The following TMEM272 variants were observed in gnomAD, a reference collection of about 807,000 sequenced individuals.
The protein encoded by TMEM272 is transmembrane protein 272.
A neutral mutation model predicts 3.7 loss-of-function variants in TMEM272; 8 were observed. The observed-to-expected ratio is 2.17, with a 90% confidence interval of 1.27 to 3.91. The LOEUF is 3.91. TMEM272 is among the 30% of genes most tolerant of loss of function. TMEM272 has a pLI of 0.00. For synonymous variants in TMEM272, 63 were observed against 39.8 expected, an observed-to-expected ratio of 1.58 and a Z score of -2.20; for missense variants, 166 against 91.5, an observed-to-expected ratio of 1.81 and a Z score of -3.32.
chr13:51,913,695 G>A, the TMEM272 span, among the ~76,000 whole-genome samples: 1 of 152,200 alleles, frequency 6.6e-6, no homozygotes, highest in South Asian at 2.1e-4. Flanking sequence ...GAAGTCTCCA[G>A]AGGATTGGGC....
intron 1 of TMEM272, 50 bp from the exon 2 acceptor site, chr13:51,838,603 A>C: frequency 2.8e-6 from 2 of 702,984 alleles, no homozygotes; most frequent in Non-Finnish European, 5.2e-6. Flanking sequence ...GGATTTACTC[A>C]GCACCAATAA....
chr13:51,824,336 A>C (rs1392868914), intron 3 of TMEM272, among the ~76,000 whole-genome samples: 1 of 152,228 alleles, frequency 6.6e-6, no homozygotes, highest in African/African-American at 2.4e-5. Context: ...TACCAAATGT[A>C]GTGATTTTTA....
the TMEM272 span, among the ~76,000 whole-genome samples, chr13:51,879,805 T>A: frequency 6.6e-6 from 1 of 152,318 alleles, no homozygotes; most frequent in African/African-American, 2.4e-5. Context: ...TTCAACAGAA[T>A]GTGGCAGGTG....
chr13:51,930,626 T>A, the TMEM272 span: 2 of 151,310 alleles, frequency 1.3e-5, no homozygotes, highest in Admixed American at 6.6e-5. Flanking sequence ...TGCACATACG[T>A]TCCTTGTTTT....
At chr13:51,921,701 C>G in the TMEM272 span, 1 of 152,382 alleles carries the variant, frequency 6.6e-6, no homozygotes, top group Non-Finnish European at 1.5e-5. Flanking sequence ...GACATTAACG[C>G]AGCATAAGGG....
the TMEM272 span, among the ~76,000 whole-genome samples, chr13:51,920,643 C>G: frequency 9.2e-5 from 14 of 152,214 alleles, no homozygotes; most frequent in Admixed American, 9.2e-4. Context: ...AGGGCAGTAT[C>G]TTCCCATGGC....
chr13:51,874,011 C>T, the TMEM272 span, among the ~76,000 whole-genome samples: 1 of 152,228 alleles, frequency 6.6e-6, no homozygotes, highest in East Asian at 1.9e-4. Context: ...CCAGGCTCCA[C>T]CAATCACAGG....
chr13:51,885,094 C>A, the TMEM272 span, among the ~76,000 whole-genome samples: 28 of 152,278 alleles, frequency 1.8e-4, no homozygotes, highest in Admixed American at 1.2e-3. Flanking sequence ...GAAGTGAGCA[C>A]CTGACCCATT....
At chr13:51,923,705 CAA>C in the TMEM272 span, among the ~76,000 whole-genome samples, 1 of 127,742 alleles carries the variant, frequency 7.8e-6, no homozygotes, top group South Asian at 2.3e-4. Context: ...AAAGAAGAAA[CAA>C]GAGGGGAGGG....
intron 1 of TMEM272, among the ~76,000 whole-genome samples, chr13:51,843,495 T>G (rs924174040): frequency 6.6e-6 from 1 of 152,206 alleles, no homozygotes; most frequent in Non-Finnish European, 1.5e-5. Context: ...AATGATGGAT[T>G]CATGTCAATG....
chr13:51,839,927 G>C (rs1956247496), intron 1 of TMEM272, among the ~76,000 whole-genome samples: 1 of 152,148 alleles, frequency 6.6e-6, no homozygotes, highest in South Asian at 2.1e-4. Context: ...TCAAAACTTG[G>C]CTTTATGTCA....
the TMEM272 span, among the ~76,000 whole-genome samples, chr13:51,924,415 T>C: frequency 3.9e-5 from 6 of 152,020 alleles, no homozygotes; most frequent in African/African-American, 1.2e-4. Flanking sequence ...AAAAACCTCT[T>C]TTCCTCTTTC....
the TMEM272 span, among the ~76,000 whole-genome samples, chr13:51,898,092 G>A: frequency 1.3e-5 from 2 of 151,850 alleles, no homozygotes; most frequent in African/African-American, 2.4e-5. Flanking sequence ...GCTTGGTGGC[G>A]TGCACCTGTA....
In TMEM272 at chr13:51,822,127, A is replaced by C. The variant is rs1956085116; in HGVS notation, c.129T>G (p.Phe43Leu). 1.4e-6 allele frequency: 1 copy of C among 698,632 alleles called. No homozygotes were observed. The highest frequency in any genetic ancestry group is 1.5e-5 in the South Asian group (1 of 66,962). The allele number at this position is 698,632 out of a possible 1,614,324, so 43.3% of individuals were successfully genotyped here. Residue 43 changes from phenylalanine to leucine, a missense_variant, in exon 4 of 5, where the codon TTT becomes TTG. Phe to Leu is a conservative substitution (Grantham distance 22). Transcript: ENST00000629372. ...PLSMTFIGMK[F>L]LEDCPIQPLI... ...GGGGCTGTATAGGGCAGTCCTCCAA[A>C]AATTTCATTCCTACATAGGGCAAAC...
At chr13:51,926,105 GGT>G in the TMEM272 span, among the ~76,000 whole-genome samples, 1 of 151,050 alleles carries the variant, frequency 6.6e-6, no homozygotes, top group Admixed American at 6.6e-5. Flanking sequence ...TGGTGTGTGT[GGT>G]GTGTGTGTGT....
the TMEM272 span, among the ~76,000 whole-genome samples, chr13:51,926,138 C>A: frequency 6.6e-6 from 1 of 150,474 alleles, no homozygotes; most frequent in Non-Finnish European, 1.5e-5. Flanking sequence ...TCTATGTGTG[C>A]GTGGTATGTG....
At chr13:51,911,014 T>C in the TMEM272 span, among the ~76,000 whole-genome samples, 5 of 152,190 alleles carry the variant, frequency 3.3e-5, no homozygotes, top group African/African-American at 1.2e-4. Flanking sequence ...GACAGAATGA[T>C]AAGGAATAAC....
chr13:51,857,750 A>G, the TMEM272 span, among the ~76,000 whole-genome samples: 1 of 152,130 alleles, frequency 6.6e-6, no homozygotes, highest in Non-Finnish European at 1.5e-5. Context: ...GTAAGAAAAT[A>G]GATTCAAATC....
the TMEM272 span, among the ~76,000 whole-genome samples, chr13:51,890,482 G>A: frequency 6.6e-6 from 1 of 152,112 alleles, no homozygotes; most frequent in Non-Finnish European, 1.5e-5. Flanking sequence ...ATGAGTGGAA[G>A]CAGCCCAGGA....
Sources: gnomAD v4.1 joint callset for allele counts (sites outside exome capture counted in the v4.1 genomes callset) on GRCh38, gnomAD v4.1.1 for gene constraint, MANE v1.5 for transcripts, NCBI Gene and HGNC (gene_info 2026-07-23, HGNC 2026-07-21) for gene names.